The following DCAF8L2 variants were observed in gnomAD, a reference collection of about 807,000 sequenced individuals.
The protein encoded by DCAF8L2 is DDB1 and CUL4 associated factor 8 like 2.
For synonymous variants in DCAF8L2, 200 were observed against 190.9 expected, an observed-to-expected ratio of 1.05 and a Z score of -0.39; for missense variants, 430 against 490.7, an observed-to-expected ratio of 0.88 and a Z score of 1.17.
intron 1 of DCAF8L2, among the ~76,000 whole-genome samples, chrX:27,631,373 A>G (rs1459757471): frequency 9.0e-6 from 1 of 111,641 alleles, no homozygotes; most frequent in East Asian, 2.8e-4. Context: ...TCTATTCAAC[A>G]TAGTACTGGA....
the DCAF8L2 span, among the ~76,000 whole-genome samples, chrX:27,563,653 T>A: frequency 8.9e-6 from 1 of 112,413 alleles, no homozygotes; most frequent in Non-Finnish European, 1.9e-5. Context: ...TTAAGCAATA[T>A]TGCTACAGAG....
chrX:27,573,341 T>C, the DCAF8L2 span, among the ~76,000 whole-genome samples: 1 of 110,203 alleles, frequency 9.1e-6, no homozygotes, highest in Non-Finnish European at 1.9e-5. Context: ...GGACAGTTGA[T>C]GTGAATTTCT....
At chrX:27,709,986 C>T (rs1454291162) in intron 3 of DCAF8L2, among the ~76,000 whole-genome samples, 1 of 111,052 alleles carries the variant, frequency 9.0e-6, no homozygotes, top group Non-Finnish European at 1.9e-5. Context: ...TTAGCTTTCA[C>T]ATTTCTATGA....
At chrX:27,558,715 C>T in the DCAF8L2 span, among the ~76,000 whole-genome samples, 3 of 106,947 alleles carry the variant, frequency 2.8e-5, no homozygotes, top group South Asian at 4.3e-4. Context: ...CCCACCAACT[C>T]GTCATCTAGC....
chrX:27,700,896 A>G (rs1931105899), intron 3 of DCAF8L2, among the ~76,000 whole-genome samples: 1 of 111,707 alleles, frequency 9.0e-6, no homozygotes, highest in African/African-American at 3.3e-5. Flanking sequence ...TCACTCCCAT[A>G]TAAAATTCTT....
At chrX:27,546,597 A>T in the DCAF8L2 span, among the ~76,000 whole-genome samples, 14 of 112,391 alleles carry the variant, frequency 1.2e-4, no homozygotes, top group Admixed American at 1.3e-3. Context: ...ATTTCCATAC[A>T]TACTGTAAAA....
At position 27,626,939 on chromosome X, in the gene DCAF8L2, C is replaced by T. The variant is rs187264008; in HGVS notation, c.-341-4940C>T. Among the ~76,000 whole-genome samples the T allele has an allele frequency of 1.4e-4, 15 of 110,979 alleles. No individual in the cohort carries two copies. The East Asian group carries it at 4.0e-3, about 29-fold the overall frequency. On this transcript the variant is annotated intron_variant, in intron 1 of 4. Transcript: ENST00000451261. ...TAGTTTTGCTAATGTCTGATTAGAG[C>T]TTTCAGAAATCAATTCTTTTGTTAC...
intron 3 of DCAF8L2, among the ~76,000 whole-genome samples, chrX:27,699,178 A>G (rs990213473): frequency 8.9e-6 from 1 of 112,413 alleles, no homozygotes; most frequent in Non-Finnish European, 1.9e-5. Context: ...GTTATACTCC[A>G]TAGTGTCTTT....
chrX:27,596,675 C>A (rs1270263636), intron 1 of DCAF8L2, among the ~76,000 whole-genome samples: 1 of 111,062 alleles, frequency 9.0e-6, no homozygotes, highest in Admixed American at 9.7e-5. Context: ...TGAACTAATA[C>A]ATGAGAAGAA....
chrX:27,522,088 C>A, the DCAF8L2 span, among the ~76,000 whole-genome samples: 5 of 112,324 alleles, frequency 4.5e-5, no homozygotes, highest in Non-Finnish European at 9.4e-5. Flanking sequence ...AGTGCAGTGG[C>A]GCGATCTCGG....
intron 4 of DCAF8L2, 108 bp from the exon 5 acceptor site, chrX:27,746,730 A>G (rs970036044): frequency 1.1e-5 from 5 of 461,050 alleles, no homozygotes; most frequent in Admixed American, 4.1e-5. Flanking sequence ...CTGCCTTGGC[A>G]GAATAGTTTA....
At chrX:27,498,486 A>G in the DCAF8L2 span, among the ~76,000 whole-genome samples, 14 of 112,786 alleles carry the variant, frequency 1.2e-4, no homozygotes, top group Non-Finnish European at 2.2e-4. Context: ...TGCTGTACAT[A>G]TATATTGTAA....
At chrX:27,587,985 A>AAAAATATATATATAT, upstream of DCAF8L2, among the ~76,000 whole-genome samples, 13 of 22,354 alleles carry the variant, frequency 5.8e-4, no homozygotes, top group African/African-American at 1.1e-3. Context: ...TAAAAAAAAA[A>AAAAATATATATATAT]ATATATATAT....
intron 3 of DCAF8L2, among the ~76,000 whole-genome samples, chrX:27,696,650 G>A (rs1358923577): frequency 8.9e-6 from 1 of 112,118 alleles, no homozygotes; most frequent in Non-Finnish European, 1.9e-5. Context: ...GAAGTTGTGA[G>A]TAAATGGCCC....
Position 27,746,825 on chromosome X carries a change from A to G in DCAF8L2, c.-58-13A>G. The G allele has an allele frequency of 3.7e-6, 4 of 1,068,721 alleles. No homozygotes were observed. The highest frequency in any genetic ancestry group is 5.0e-6 in the Non-Finnish European group (4 of 802,864). 88.1% of individuals were successfully genotyped at this position (1,068,721 alleles called of 1,213,427 possible). The stretch of plus-strand genomic sequence containing the variant: ...TACCATCAGTCCTAACCGCAGGCCA[A>G]CTTTCTTCCCAGAGCTTTTAGGGGC... On this transcript the variant is annotated splice_polypyrimidine_tract_variant and intron_variant, in intron 4 of 4. Transcript: ENST00000451261.
intron 3 of DCAF8L2, among the ~76,000 whole-genome samples, chrX:27,684,427 C>T (rs755636793): frequency 1.8e-5 from 2 of 112,010 alleles, no homozygotes; most frequent in South Asian, 7.5e-4. Context: ...TTGTTGCAGG[C>T]TTAAATTGCA....
At chrX:27,541,974 C>A in the DCAF8L2 span, among the ~76,000 whole-genome samples, 5 of 111,853 alleles carry the variant, frequency 4.5e-5, no homozygotes, top group African/African-American at 1.6e-4. Flanking sequence ...CATTAATTCA[C>A]TTAGGATAAC....
intron 3 of DCAF8L2, among the ~76,000 whole-genome samples, chrX:27,699,067 T>A (rs1434031772): frequency 9.0e-6 from 1 of 111,437 alleles, no homozygotes; most frequent in Non-Finnish European, 1.9e-5. Flanking sequence ...ATAACAAAAA[T>A]TGGCAGAAAA....
chrX:27,592,416 T>G (rs1270766630), intron 1 of DCAF8L2, among the ~76,000 whole-genome samples: 1 of 50,253 alleles, frequency 2.0e-5, no homozygotes. Context: ...TGTTTGTTTT[T>G]GTTTTTTTTT....
Sources: gnomAD v4.1 joint callset for allele counts (sites outside exome capture counted in the v4.1 genomes callset) on GRCh38, gnomAD v4.1.1 for gene constraint, MANE v1.5 for transcripts, NCBI Gene and HGNC (gene_info 2026-07-23, HGNC 2026-07-21) for gene names.